The following PTPRG variants were observed in gnomAD, a reference collection of about 807,000 sequenced individuals.
The protein encoded by PTPRG is protein tyrosine phosphatase receptor type G.
PTPRG carries 102 observed loss-of-function variants against 165.3 expected under a neutral mutation model. That is an observed-to-expected ratio of 0.62 (90% CI 0.53 to 0.73). The LOEUF (loss-of-function observed/expected upper bound fraction) is 0.73, where lower values mean the gene tolerates loss of function less well. Ranked by LOEUF, PTPRG falls within the 30% of genes least tolerant of loss-of-function variation. The probability of loss-of-function intolerance (pLI) is 0.00; values close to 1 mark genes in which losing one functional copy is unlikely to be tolerated. For synonymous variants in PTPRG, 675 were observed against 669.5 expected, an observed-to-expected ratio of 1.01 and a Z score of -0.13; for missense variants, 1,866 against 1,861.4, an observed-to-expected ratio of 1.00 and a Z score of -0.05.
Position 61,923,902 on chromosome 3 carries a change from A to AACTGTTG in PTPRG, c.191-65722_191-65721insCTGTTGA, listed in dbSNP as rs566754695. On this transcript the variant is annotated intron_variant, in intron 2 of 29. Transcript: ENST00000474889. Reference sequence around the variant, plus strand: ...TAGTAAAGGGGATGTATTAACTGTTAATTTTATCAAGTAAACGATTCATCT... The same window carrying AACTGTTG: ...TAGTAAAGGGGATGTATTAACTGTTAACTGTTGATTTTATCAAGTAAACGATTCATCT... Among the ~76,000 whole-genome samples the AACTGTTG allele has an allele frequency of 2.1e-4, 32 of 151,984 alleles. 1 individual carries two copies. In the South Asian group the frequency reaches 6.4e-3, roughly 31 times the overall value.
At chr3:61,860,042 A>G (rs947901452) in intron 2 of PTPRG, among the ~76,000 whole-genome samples, 5 of 152,224 alleles carry the variant, frequency 3.3e-5, no homozygotes, top group African/African-American at 1.2e-4. Flanking sequence ...AGTAAACTCT[A>G]GGAAACACTG....
chr3:62,168,440 A>G (rs1484650666), intron 8 of PTPRG, among the ~76,000 whole-genome samples: 2 of 152,174 alleles, frequency 1.3e-5, no homozygotes, highest in East Asian at 1.9e-4. Flanking sequence ...GTCTAGAGAA[A>G]GCTTTCTGAA....
chr3:61,945,393 C>G (rs34906382), intron 2 of PTPRG, among the ~76,000 whole-genome samples: 1 of 151,752 alleles, frequency 6.6e-6, no homozygotes, highest in Non-Finnish European at 1.5e-5. Flanking sequence ...AACCCTTTCT[C>G]TACTGAAAAT....
chr3:61,981,728 A>C (rs1236158556), intron 2 of PTPRG, among the ~76,000 whole-genome samples: 2 of 152,206 alleles, frequency 1.3e-5, no homozygotes, highest in Non-Finnish European at 2.9e-5. Context: ...ACGTGCTCCG[A>C]TTGAATTTAG....
chr3:61,814,907 G>A (rs1277144246), intron 2 of PTPRG, among the ~76,000 whole-genome samples: 3 of 151,790 alleles, frequency 2.0e-5, no homozygotes, highest in Non-Finnish European at 4.4e-5. Flanking sequence ...AGTTTTTATT[G>A]CTATTTCATA....
chr3:62,027,782 A>G (rs975227039), intron 4 of PTPRG, among the ~76,000 whole-genome samples: 1 of 152,216 alleles, frequency 6.6e-6, no homozygotes, highest in Non-Finnish European at 1.5e-5. Flanking sequence ...TTTTAAAAAA[A>G]GGATTTGCTA....
At chr3:61,887,171 T>TA (rs2038074640) in intron 2 of PTPRG, among the ~76,000 whole-genome samples, 69 of 122,412 alleles carry the variant, frequency 5.6e-4, no homozygotes, top group Non-Finnish European at 9.1e-4. Flanking sequence ...TATATATATA[T>TA]TTTTAATGCC....
intron 4 of PTPRG, among the ~76,000 whole-genome samples, chr3:62,064,209 A>C (rs546396197): frequency 4.6e-5 from 7 of 152,282 alleles, no homozygotes; most frequent in African/African-American, 1.7e-4. Flanking sequence ...CTTGGCCCCA[A>C]ATGAATACAA....
At chr3:62,204,210 C>G (rs959886082) in intron 12 of PTPRG, among the ~76,000 whole-genome samples, 7 of 152,100 alleles carry the variant, frequency 4.6e-5, no homozygotes, top group African/African-American at 1.7e-4. Flanking sequence ...CCAGGGACTT[C>G]AACCAGGCAA....
chr3:61,930,845 G>A (rs2039343082), intron 2 of PTPRG, among the ~76,000 whole-genome samples: 2 of 152,140 alleles, frequency 1.3e-5, no homozygotes, highest in Non-Finnish European at 2.9e-5. Flanking sequence ...GGATCATCAC[G>A]AGGTCAGGAG....
chr3:62,071,204 CCTTA>C (rs1331898755), intron 4 of PTPRG, among the ~76,000 whole-genome samples: 8 of 152,124 alleles, frequency 5.3e-5, no homozygotes, highest in Admixed American at 2.6e-4. Flanking sequence ...CATGCTGTTT[CCTTA>C]CTTACTCCGT....
intron 4 of PTPRG, among the ~76,000 whole-genome samples, chr3:62,073,825 C>A (rs1473125542): frequency 6.6e-6 from 1 of 152,132 alleles, no homozygotes; most frequent in African/African-American, 2.4e-5. Flanking sequence ...ACGCTTCCAA[C>A]TGTCAGAGTA....
At chr3:61,709,162 G>A (rs1052450927) in intron 1 of PTPRG, among the ~76,000 whole-genome samples, 7 of 152,212 alleles carry the variant, frequency 4.6e-5, no homozygotes, top group Non-Finnish European at 7.3e-5. Context: ...GGCCACTGAG[G>A]TAGAGCTTGC....
intron 1 of PTPRG, among the ~76,000 whole-genome samples, chr3:61,680,268 T>G (rs574698414): frequency 5.9e-5 from 9 of 152,116 alleles, no homozygotes; most frequent in African/African-American, 2.2e-4. Flanking sequence ...GAAGTCGCCT[T>G]CAGATGGCTG....
intron 8 of PTPRG, among the ~76,000 whole-genome samples, chr3:62,172,128 G>C (rs1576093199): frequency 6.6e-6 from 1 of 152,272 alleles, no homozygotes; most frequent in East Asian, 1.9e-4. Context: ...GAGGTGCCAT[G>C]TTTTGTTTAT....
intron 1 of PTPRG, among the ~76,000 whole-genome samples, chr3:61,582,467 G>T (rs1238095466): frequency 6.6e-6 from 1 of 152,194 alleles, no homozygotes; most frequent in Admixed American, 6.5e-5. Context: ...GGGGAATGGG[G>T]ACAGCATGAG....
intron 4 of PTPRG, among the ~76,000 whole-genome samples, chr3:62,064,098 T>C (rs564430222): frequency 6.6e-6 from 1 of 151,466 alleles, no homozygotes; most frequent in South Asian, 2.1e-4. Flanking sequence ...TGTTCTTTTT[T>C]GGTTTTTCTT....
rs1420675003 is a variant in PTPRG at position 61,672,129 on chromosome 3, G to T, written c.86-76749G>T. ...CCCACATCTCAGACGATGGGCGGCCGGGCAGAGATGCTCCTCACTTCCCAG... is the reference window on the plus strand; with the variant it reads ...CCCACATCTCAGACGATGGGCGGCCTGGCAGAGATGCTCCTCACTTCCCAG... On this transcript the variant is annotated intron_variant, in intron 1 of 29. Coordinates refer to ENST00000474889, the MANE Select transcript of PTPRG (RefSeq NM_002841.4). Among the ~76,000 whole-genome samples the T allele has an allele frequency of 6.6e-4, 98 of 147,994 alleles. 1 individual carries two copies. The highest frequency in any genetic ancestry group is 2.3e-3 in the African/African-American group (90 of 39,878).
intron 2 of PTPRG, among the ~76,000 whole-genome samples, chr3:61,814,103 G>A (rs894774629): frequency 2.6e-5 from 4 of 152,110 alleles, no homozygotes; most frequent in Admixed American, 1.3e-4. Flanking sequence ...GTTTCACCAT[G>A]TTAGCCAGGC....
Sources: allele counts gnomAD v4.1 joint callset (sites outside exome capture counted in the v4.1 genomes callset), GRCh38; gene constraint gnomAD v4.1.1; transcripts MANE v1.5; gene names NCBI Gene and HGNC (gene_info 2026-07-23, HGNC 2026-07-21).